The following RPS6KB1 variants were observed in gnomAD, a reference collection of about 807,000 sequenced individuals.
RPS6KB1 encodes ribosomal protein S6 kinase beta-1.
RPS6KB1 carries 12 observed loss-of-function variants against 70.2 expected under a neutral mutation model. That is an observed-to-expected ratio of 0.17 (90% CI 0.11 to 0.28). The LOEUF is 0.28. Ranked by LOEUF, RPS6KB1 falls within the 10% of genes least tolerant of loss-of-function variation. The pLI is 1.00. For missense variants in RPS6KB1, 270 were observed against 646.6 expected, an observed-to-expected ratio of 0.42 and a Z score of 6.32; for synonymous variants, 175 against 211.2, an observed-to-expected ratio of 0.83 and a Z score of 1.49.
chr17:59,916,108 A>G (rs959926677), intron 4 of RPS6KB1, among the ~76,000 whole-genome samples: 2 of 126,966 alleles, frequency 1.6e-5, no homozygotes, highest in African/African-American at 3.0e-5. Flanking sequence ...GCAGTTTTCA[A>G]TTTTTTTTTT....
At chr17:59,905,767 A>G (rs779022929) in intron 1 of RPS6KB1, among the ~76,000 whole-genome samples, 8 of 152,054 alleles carry the variant, frequency 5.3e-5, no homozygotes, top group Non-Finnish European at 1.0e-4. Context: ...CAGCCTCCCA[A>G]AGTGTTGGGA....
intron 1 of RPS6KB1, among the ~76,000 whole-genome samples, chr17:59,897,488 T>C (rs1179163657): frequency 6.6e-6 from 1 of 152,080 alleles, no homozygotes; most frequent in Non-Finnish European, 1.5e-5. Flanking sequence ...AGTATCATAG[T>C]GTGTATTTTT....
chr17:59,937,076 G>A (rs137918464), intron 12 of RPS6KB1, among the ~76,000 whole-genome samples: 52 of 152,214 alleles, frequency 3.4e-4, no homozygotes, highest in Non-Finnish European at 6.3e-4. Context: ...CACCCAGACT[G>A]GTCTTGAACT....
chr17:59,896,732 A>G (rs2041589004), intron 1 of RPS6KB1, among the ~76,000 whole-genome samples: 1 of 152,104 alleles, frequency 6.6e-6, no homozygotes, highest in Non-Finnish European at 1.5e-5. Flanking sequence ...AAAGGCAATT[A>G]AAGAGGATTT....
intron 6 of RPS6KB1, chr17:59,931,165 A>G (rs1199192805): frequency 6.0e-6 from 1 of 166,934 alleles, no homozygotes. Context: ...TAAGTAAGGG[A>G]TGAGTGGGCT....
Position 59,912,464 on chromosome 17 carries a change from A to C in RPS6KB1, c.192-220A>C, listed in dbSNP as rs2042703950. 1.8e-5 allele frequency: 8 copies of C among 435,682 alleles called. No individual in the cohort carries two copies. In the South Asian group the frequency reaches 2.4e-4, roughly 13 times the overall value. The allele number at this position is 435,682 out of a possible 1,614,324, so 27.0% of individuals were successfully genotyped here. On this transcript the variant is annotated intron_variant, in intron 2 of 14. Coordinates refer to ENST00000225577, the MANE Select transcript of RPS6KB1 (RefSeq NM_003161.4). Reference sequence around the variant, plus strand: ...TAAACAATTATAAAAATAAGTAAATAATTGATTGCCCATTCTATGAACAAG... The same window carrying C: ...TAAACAATTATAAAAATAAGTAAATCATTGATTGCCCATTCTATGAACAAG...
chr17:59,939,834 A>C (rs1490324102), intron 12 of RPS6KB1, among the ~76,000 whole-genome samples: 3 of 152,348 alleles, frequency 2.0e-5, no homozygotes, highest in East Asian at 1.9e-4. Flanking sequence ...CAATGTGGTC[A>C]TCTTTTAGTA....
chr17:59,920,002 G>A (rs1018654080), intron 4 of RPS6KB1, among the ~76,000 whole-genome samples: 1 of 152,092 alleles, frequency 6.6e-6, no homozygotes, highest in African/African-American at 2.4e-5. Flanking sequence ...TCAGGTGTGG[G>A]ATTCCACATG....
chr17:59,902,788 G>T (rs944815737), intron 1 of RPS6KB1, among the ~76,000 whole-genome samples: 1 of 151,864 alleles, frequency 6.6e-6, no homozygotes, highest in Non-Finnish European at 1.5e-5. Context: ...ATTTTGTCCC[G>T]GTTGGTTTTA....
At chr17:59,904,122 C>G (rs1039168649) in intron 1 of RPS6KB1, among the ~76,000 whole-genome samples, 5 of 151,426 alleles carry the variant, frequency 3.3e-5, no homozygotes, top group African/African-American at 4.9e-5. Context: ...GTTCTGTTGC[C>G]CAGGCTGGAG....
Position 59,950,316 on chromosome 17 carries a change from TG to T in RPS6KB1, c.*3529del, listed in dbSNP as rs1283561631. ...TTCAGCTGCCTTATTAGGAGTGCTATGAGGGTAACACCTGTTCTGCTTTTCA... is the reference window on the plus strand; with the variant it reads ...TTCAGCTGCCTTATTAGGAGTGCTATAGGGTAACACCTGTTCTGCTTTTCA... On this transcript the variant is annotated 3_prime_UTR_variant, in exon 15 of 15. Coordinates refer to ENST00000225577, the MANE Select transcript of RPS6KB1 (RefSeq NM_003161.4). The T allele has an allele frequency of 6.6e-6, 1 of 152,608 alleles. No individual in the cohort carries two copies. Among genetic ancestry groups the T allele is most frequent in the Non-Finnish European group, 1.5e-5 (1 of 67,974 alleles). 9.5% of individuals were successfully genotyped at this position (152,608 alleles called of 1,614,324 possible).
intron 3 of RPS6KB1, 110 bp from the exon 4 acceptor site, chr17:59,914,525 T>C (rs2042830220): frequency 1.2e-6 from 1 of 811,104 alleles, no homozygotes; most frequent in Admixed American, 2.3e-5. Context: ...TTTTTGCACA[T>C]AGTTTTTATA....
intron 13 of RPS6KB1, among the ~76,000 whole-genome samples, chr17:59,943,381 T>C (rs1314695380): frequency 1.3e-5 from 2 of 152,102 alleles, no homozygotes; most frequent in Non-Finnish European, 2.9e-5. Flanking sequence ...GTGACAGTTT[T>C]CCCCCCACAA....
chr17:59,918,664 C>T (rs1224081141), intron 4 of RPS6KB1, among the ~76,000 whole-genome samples: 2 of 152,044 alleles, frequency 1.3e-5, no homozygotes, highest in Non-Finnish European at 2.9e-5. Flanking sequence ...GCCACCACGC[C>T]CAGCCTCTCT....
chr17:59,922,868 GT>G (rs200633304), intron 4 of RPS6KB1, among the ~76,000 whole-genome samples: 2 of 135,430 alleles, frequency 1.5e-5, no homozygotes, highest in African/African-American at 2.8e-5. Context: ...AAAAAAATTT[GT>G]TTGTTTTTTT....
intron 2 of RPS6KB1, 141 bp from the exon 3 acceptor site, chr17:59,912,543 A>G: frequency 1.3e-6 from 1 of 773,338 alleles, no homozygotes; most frequent in Non-Finnish European, 2.0e-6. Context: ...CTGTTTGTTT[A>G]GAGCACAAAT....
intron 1 of RPS6KB1, among the ~76,000 whole-genome samples, chr17:59,898,175 C>G (rs1232064684): frequency 3.3e-5 from 5 of 151,980 alleles, no homozygotes; most frequent in Non-Finnish European, 4.4e-5. Flanking sequence ...CTTCTCTGCT[C>G]TCTATAGCAT....
At chr17:59,930,882 G>C (rs2043890689) in intron 6 of RPS6KB1, 1 of 152,296 alleles carries the variant, frequency 6.6e-6, no homozygotes, top group Non-Finnish European at 1.5e-5. Context: ...AGCCGTGTTG[G>C]AGGCTGTGTT....
At chr17:59,942,232 A>T (rs1298244521) in intron 13 of RPS6KB1, among the ~76,000 whole-genome samples, 1 of 152,244 alleles carries the variant, frequency 6.6e-6, no homozygotes, top group African/African-American at 2.4e-5. Context: ...GGCATGAGCC[A>T]CCGTGCCAGG....
Sources: allele counts gnomAD v4.1 joint callset (sites outside exome capture counted in the v4.1 genomes callset), GRCh38; gene constraint gnomAD v4.1.1; transcripts MANE v1.5; gene names NCBI Gene and HGNC (gene_info 2026-07-23, HGNC 2026-07-21).